Variants in SLCO4C1 observed in about 807,000 individuals in gnomAD.
The protein encoded by SLCO4C1 is solute carrier organic anion transporter family member 4C1, also known as organic anion transporter M1.
SLCO4C1 carries 58 observed loss-of-function variants against 72.1 expected under a neutral mutation model. The observed-to-expected ratio is 0.80, with a 90% CI of 0.65 to 1.00. The LOEUF (loss-of-function observed/expected upper bound fraction) is 1.00, where lower values mean the gene tolerates loss of function less well. SLCO4C1 is among the 50% of genes least tolerant of loss of function. The probability of loss-of-function intolerance (pLI) is 0.00; values close to 1 mark genes in which losing one functional copy is unlikely to be tolerated. For missense variants in SLCO4C1, 898 were observed against 857.9 expected (o/e 1.05, Z -0.58); for synonymous variants, 297 against 312.5 (o/e 0.95, Z 0.52).
chr5:102,289,551 A>G (rs551688408), intron 2 of SLCO4C1, among the ~76,000 whole-genome samples: 76 of 152,368 alleles, frequency 5.0e-4, no homozygotes, highest in African/African-American at 1.8e-3. Flanking sequence ...AATAACTATC[A>G]TAGAATCAGT....
At chr5:102,294,326 G>A (rs1459154141) in intron 1 of SLCO4C1, among the ~76,000 whole-genome samples, 4 of 152,200 alleles carry the variant, frequency 2.6e-5, no homozygotes, top group Admixed American at 2.0e-4. Flanking sequence ...GATTACAGGC[G>A]TGAGCCACCA....
intron 11 of SLCO4C1, 91 bp from the exon 12 acceptor site, chr5:102,239,479 G>A: frequency 1.1e-6 from 1 of 928,520 alleles, no homozygotes; most frequent in Non-Finnish European, 1.4e-6. Flanking sequence ...ATATTTTATA[G>A]AAATAAAAAT....
At chr5:102,263,023 G>A (rs1748970140) in intron 4 of SLCO4C1, among the ~76,000 whole-genome samples, 1 of 152,134 alleles carries the variant, frequency 6.6e-6, no homozygotes, top group South Asian at 2.1e-4. Context: ...ATCAGGAAAT[G>A]GAGAAGGTAA....
At chr5:102,282,257 C>T (rs1749371919) in intron 2 of SLCO4C1, among the ~76,000 whole-genome samples, 1 of 151,898 alleles carries the variant, frequency 6.6e-6, no homozygotes, top group Non-Finnish European at 1.5e-5. Flanking sequence ...TGTAAAAATT[C>T]AGTTCTATGA....
At chr5:102,292,418 A>T (rs926548092) in intron 1 of SLCO4C1, among the ~76,000 whole-genome samples, 2 of 152,094 alleles carry the variant, frequency 1.3e-5, no homozygotes, top group Non-Finnish European at 2.9e-5. Flanking sequence ...TATCTATGAC[A>T]AGAGATAACT....
intron 3 of SLCO4C1, among the ~76,000 whole-genome samples, chr5:102,264,689 T>A (rs1266879416): frequency 1.3e-5 from 2 of 151,750 alleles, no homozygotes; most frequent in African/African-American, 4.9e-5. Context: ...TTAACTATAT[T>A]CAATCTACAG....
At chr5:102,277,279 C>T (rs1032364679) in intron 2 of SLCO4C1, among the ~76,000 whole-genome samples, 1 of 151,918 alleles carries the variant, frequency 6.6e-6, no homozygotes, top group Admixed American at 6.6e-5. Flanking sequence ...GGTGCCCCAT[C>T]CCCCTTCCAG....
chr5:102,247,917 CT>C (rs55692838), intron 9 of SLCO4C1, among the ~76,000 whole-genome samples: 1,566 of 107,268 alleles, frequency 0.015, 9 homozygotes, highest in African/African-American at 0.024. Context: ...AGGCCAGAAA[CT>C]TTTTTTTTTT....
At chr5:102,259,552 C>A (rs1748897910) in intron 6 of SLCO4C1, among the ~76,000 whole-genome samples, 1 of 151,980 alleles carries the variant, frequency 6.6e-6, no homozygotes, top group Non-Finnish European at 1.5e-5. Context: ...GAAAAGCAAA[C>A]AATTTCACAT....
At chr5:102,247,130 C>T (rs1748649443) in intron 10 of SLCO4C1, 122 bp downstream of exon 10, 1 of 608,420 alleles carries the variant, frequency 1.6e-6, no homozygotes. Flanking sequence ...AACTAATGAT[C>T]TTGTAAGGGC....
At chr5:102,284,936 C>A (rs984821185) in intron 2 of SLCO4C1, among the ~76,000 whole-genome samples, 2 of 152,078 alleles carry the variant, frequency 1.3e-5, no homozygotes, top group African/African-American at 4.8e-5. Context: ...GAGCACCTAG[C>A]ATTTCATGAT....
rs778244023 is a variant in SLCO4C1 at position 102,270,659 on chromosome 5, T to C, written c.767A>G (p.Asp256Gly). Residue 256 changes from aspartate to glycine, a missense_variant, in exon 3 of 13, where the codon GAT (aspartate) becomes GGT (glycine). Physicochemically the swap from Asp to Gly is moderately conservative, Grantham distance 94. Coordinates refer to ENST00000310954, the MANE Select transcript of SLCO4C1 (RefSeq NM_180991.5). Reference protein sequence around the residue: ...LYTLGTAFLDDSVPTHKSSLY... With the variant: ...LYTLGTAFLDGSVPTHKSSLY... ...AGAAGACTTGTGTGTGGGCACAGAATCATCAAGAAAGGCTGTTCCCAGAGT... is the reference window on the plus strand; with the variant it reads ...AGAAGACTTGTGTGTGGGCACAGAACCATCAAGAAAGGCTGTTCCCAGAGT... 6.2e-7 allele frequency: 1 copy of C among 1,612,776 alleles called. No individual in the cohort carries two copies. Among genetic ancestry groups the C allele is most frequent in the Admixed American group, 1.7e-5 (1 of 59,846 alleles).
At chr5:102,282,053 T>C (rs1421364716) in intron 2 of SLCO4C1, among the ~76,000 whole-genome samples, 1 of 152,078 alleles carries the variant, frequency 6.6e-6, no homozygotes, top group East Asian at 1.9e-4. Context: ...ATCCATACCA[T>C]GGATTACTAA....
At chr5:102,272,297 TCTTGTTATTACTTCAG>T (rs369261196) in intron 2 of SLCO4C1, among the ~76,000 whole-genome samples, 1,687 of 152,238 alleles carry the variant, frequency 0.011, 17 homozygotes, top group Non-Finnish European at 0.019. Flanking sequence ...AGCACAAATC[TCTTGTTATTACTTCAG>T]CTTTCTAAGG....
intron 3 of SLCO4C1, among the ~76,000 whole-genome samples, chr5:102,264,329 T>C (rs1312570683): frequency 1.3e-5 from 2 of 152,132 alleles, no homozygotes; most frequent in Non-Finnish European, 2.9e-5. Context: ...TTTCTATCTG[T>C]GAGATATTTA....
intron 3 of SLCO4C1, among the ~76,000 whole-genome samples, chr5:102,268,046 G>A (rs1749076111): frequency 6.6e-6 from 1 of 152,046 alleles, no homozygotes; most frequent in Non-Finnish European, 1.5e-5. Context: ...GTGCTGAAAA[G>A]AAGAACATGT....
chr5:102,260,093 T>A (rs950790527), intron 6 of SLCO4C1, 120 bp downstream of exon 6: 1 of 253,712 alleles, frequency 3.9e-6, no homozygotes, highest in Non-Finnish European at 7.8e-6. Flanking sequence ...TATTTGTATA[T>A]ATATATGTGT....
intron 4 of SLCO4C1, 134 bp from the exon 5 acceptor site, chr5:102,262,167 C>T (rs765606307): frequency 7.1e-6 from 4 of 559,958 alleles, no homozygotes; most frequent in Non-Finnish European, 8.4e-6. Context: ...TTTAATGGTG[C>T]CATTGCAAAG....
At chr5:102,294,967 T>C (rs995595599) in intron 1 of SLCO4C1, among the ~76,000 whole-genome samples, 1 of 152,210 alleles carries the variant, frequency 6.6e-6, no homozygotes, top group African/African-American at 2.4e-5. Context: ...GGACTATGAC[T>C]CAAGTGACCA....
Sources: gnomAD v4.1 joint callset for allele counts (sites outside exome capture counted in the v4.1 genomes callset) on GRCh38, gnomAD v4.1.1 for gene constraint, MANE v1.5 for transcripts, NCBI Gene and HGNC (gene_info 2026-07-23, HGNC 2026-07-21) for gene names.